Variants in ADAM19 observed in about 807,000 individuals in gnomAD.
ADAM19 encodes the protein disintegrin and metalloproteinase domain-containing protein 19.
Under a neutral mutation model 114.7 loss-of-function variants are expected in ADAM19, and 65 were observed. That is an observed-to-expected ratio of 0.57 (90% CI 0.46 to 0.70). The LOEUF is 0.70. ADAM19 is among the 30% of genes least tolerant of loss of function. ADAM19 has a pLI of 0.00. For missense variants in ADAM19, 1,063 were observed against 1,204.7 expected, an observed-to-expected ratio of 0.88 and a Z score of 1.74; for synonymous variants, 466 against 460.5, an observed-to-expected ratio of 1.01 and a Z score of -0.15.
At chr5:157,573,157 G>A (rs562063704) in intron 1 of ADAM19, among the ~76,000 whole-genome samples, 4 of 152,216 alleles carry the variant, frequency 2.6e-5, no homozygotes, top group African/African-American at 4.8e-5. Flanking sequence ...TGATATCTAC[G>A]ATTGTAAAAA....
intron 3 of ADAM19, among the ~76,000 whole-genome samples, chr5:157,556,390 T>C (rs908760648): frequency 6.6e-6 from 1 of 151,960 alleles, no homozygotes; most frequent in Non-Finnish European, 1.5e-5. Context: ...AGCTAATTTT[T>C]GTATTTTTAG....
intron 7 of ADAM19, among the ~76,000 whole-genome samples, chr5:157,514,975 T>C (rs1488277945): frequency 1.3e-5 from 2 of 152,138 alleles, no homozygotes; most frequent in East Asian, 3.8e-4. Context: ...TGAGAATATC[T>C]AAGCAAGAAA....
At chr5:157,560,436 G>A (rs1246646150) in intron 3 of ADAM19, among the ~76,000 whole-genome samples, 2 of 152,148 alleles carry the variant, frequency 1.3e-5, no homozygotes, top group Non-Finnish European at 2.9e-5. Flanking sequence ...TATGTCCACT[G>A]TACCACACTG....
chr5:157,550,840 T>C (rs998404973), intron 3 of ADAM19, among the ~76,000 whole-genome samples: 1 of 152,190 alleles, frequency 6.6e-6, no homozygotes, highest in African/African-American at 2.4e-5. Flanking sequence ...CCTTTATATA[T>C]CCACGTTACA....
At chr5:157,567,086 C>G (rs905975657) in intron 2 of ADAM19, among the ~76,000 whole-genome samples, 1 of 152,182 alleles carries the variant, frequency 6.6e-6, no homozygotes, top group African/African-American at 2.4e-5. Context: ...AGTAGGTCAC[C>G]TGTTCTGCCA....
chr5:157,541,319 G>A (rs758196415), intron 3 of ADAM19, among the ~76,000 whole-genome samples: 1 of 152,202 alleles, frequency 6.6e-6, no homozygotes, highest in Admixed American at 6.5e-5. Context: ...GAAGAGAAAG[G>A]ACTGTGCAAG....
chr5:157,575,684 C>A lies in ADAM19; in HGVS notation c.13G>T (p.Ala5Ser). 3 of 1,340,374 alleles carry A rather than the reference C, an allele frequency of 2.2e-6. No homozygotes were observed. Among genetic ancestry groups the A allele is most frequent in the Non-Finnish European group, 2.9e-6 (3 of 1,051,838 alleles). 83.0% of individuals were successfully genotyped at this position (1,340,374 alleles called of 1,614,324 possible). The change falls in exon 1 of 23, where the codon GCA (alanine) becomes TCA (serine). Residue 5 changes from alanine (A) to serine (S), a missense_variant. By Grantham distance (99) the Ala-to-Ser change is moderately conservative. Transcript: ENST00000257527. MPGG[A>S]GAARLCLLAF... The stretch of plus-strand genomic sequence containing the variant: ...AGCAAGCAGAGCCGGGCGGCGCCTG[C>A]GCCCCCTGGCATGGTGGCGGCGGCC...
At chr5:157,575,388 T>C (rs1190357476) in intron 1 of ADAM19, among the ~76,000 whole-genome samples, 2 of 152,180 alleles carry the variant, frequency 1.3e-5, no homozygotes, top group Non-Finnish European at 2.9e-5. Context: ...GACCGGCTGT[T>C]TTCTGGCTGC....
At chr5:157,492,394 C>T (rs1384702258) in intron 16 of ADAM19, among the ~76,000 whole-genome samples, 1 of 152,040 alleles carries the variant, frequency 6.6e-6, no homozygotes, top group Non-Finnish European at 1.5e-5. Context: ...GGACAACAGC[C>T]AACTAAATTC....
At chr5:157,510,118 A>G (rs1343656397) in intron 8 of ADAM19, among the ~76,000 whole-genome samples, 1 of 152,202 alleles carries the variant, frequency 6.6e-6, no homozygotes, top group East Asian at 1.9e-4. Flanking sequence ...TAATTTGCAT[A>G]CCATAATACC....
chr5:157,496,429 A>G (rs2113706020), intron 14 of ADAM19, among the ~76,000 whole-genome samples: 1 of 152,288 alleles, frequency 6.6e-6, no homozygotes, highest in South Asian at 2.1e-4. Flanking sequence ...ATTGCTTTCC[A>G]TAGTGGTTAT....
intron 5 of ADAM19, among the ~76,000 whole-genome samples, chr5:157,529,492 C>T (rs1418238615): frequency 1.3e-5 from 2 of 152,118 alleles, no homozygotes; most frequent in Non-Finnish European, 2.9e-5. Flanking sequence ...TTCTCAGGTA[C>T]AGACTGTAAT....
At position 157,481,000 on chromosome 5, in the gene ADAM19, A is replaced by C. The variant is rs760918885; in HGVS notation, c.2706T>G (p.Phe902Leu). The change falls in exon 23 of 23, where the codon TTT (phenylalanine) becomes TTG (leucine). Residue 902 changes from phenylalanine to leucine, a missense_variant and splice_region_variant. By Grantham distance (22) the Phe-to-Leu change is conservative. Around this residue, in one of 3 missense-constraint regions of ADAM19, gnomAD observed 424 missense variants for 445.5 expected, o/e 0.95. Transcript: ENST00000257527. ...SRPLAALAPK[F>L]PEYRSQRAGG... ...CAGCCCTCTGTGATCTGTATTCTGG[A>C]AACTGGGAAGAAAAAGAAGGGAGGG... The C allele has an allele frequency of 1.4e-5, 22 of 1,614,000 alleles. No individual in the cohort carries two copies. Among genetic ancestry groups the C allele is most frequent in the Non-Finnish European group, 1.8e-5 (21 of 1,180,030 alleles).
At position 157,530,689 on chromosome 5, in the gene ADAM19, G is replaced by T. The variant is rs984301253; in HGVS notation, c.407+118C>A. On this transcript the variant is annotated intron_variant, in intron 5 of 22. Transcript: ENST00000257527. ...CCAGGCTCAGCCCCTCTCTGGGCTG[G>T]CTTGCACACATTCTCAATGGACTCC... 7 of 809,998 alleles carry T rather than the reference G, an allele frequency of 8.6e-6. No homozygotes were observed. In the African/African-American group the frequency reaches 1.0e-4, roughly 12 times the overall value. 50.2% of individuals were successfully genotyped at this position (809,998 alleles called of 1,614,324 possible). A position where few individuals can be genotyped will look rare whatever the true frequency, so the allele number is the denominator to read the frequency against.
intron 4 of ADAM19, among the ~76,000 whole-genome samples, chr5:157,532,784 C>T (rs1218295818): frequency 6.6e-6 from 1 of 152,214 alleles, no homozygotes; most frequent in African/African-American, 2.4e-5. Flanking sequence ...CCACCTCCCT[C>T]CCAGCTCTAA....
intron 15 of ADAM19, 103 bp from the exon 16 acceptor site, chr5:157,493,280 C>A: frequency 1.5e-6 from 2 of 1,295,872 alleles, no homozygotes; most frequent in Non-Finnish European, 2.2e-6. Context: ...AGCAGGCTTG[C>A]GTGGGGTGGG....
At position 157,497,042 on chromosome 5, in the gene ADAM19, G is replaced by T; in HGVS notation, c.1446C>A (p.Asp482Glu). 6.4e-7 allele frequency: 1 copy of T among 1,573,604 alleles called. No homozygotes were observed. Among genetic ancestry groups the T allele is most frequent in the Non-Finnish European group, 8.6e-7 (1 of 1,163,458 alleles). ...TLCREQARQC[D>E]LPEFCTGKSP... ...ACTTGCCCGTACAGAACTCCGGGAG[G>T]TCACACTGCCTGGCCTGCTCGCGGC... is the stretch of plus-strand genomic sequence containing the variant. The change falls in exon 14 of 23, where the codon GAC becomes GAA. Residue 482 changes from aspartate (D) to glutamate (E), a missense_variant. Around this residue, in one of 3 missense-constraint regions of ADAM19, gnomAD observed 615 missense variants for 706.3 expected, o/e 0.87. Coordinates refer to ENST00000257527, the MANE Select transcript of ADAM19 (RefSeq NM_033274.5).
At chr5:157,488,686 A>G (rs1377588894) in intron 20 of ADAM19, among the ~76,000 whole-genome samples, 197 bp from the exon 21 acceptor site, 1 of 152,202 alleles carries the variant, frequency 6.6e-6, no homozygotes, top group Non-Finnish European at 1.5e-5. Context: ...TCTCCAGCCA[A>G]TAAAAGGGCT....
intron 21 of ADAM19, among the ~76,000 whole-genome samples, chr5:157,484,517 T>G (rs1581283922): frequency 1.3e-5 from 2 of 152,182 alleles, no homozygotes; most frequent in East Asian, 3.9e-4. Context: ...TCCCCTTGAC[T>G]TCCTTCCCTT....
Sources: gnomAD v4.1 joint callset for allele counts (sites outside exome capture counted in the v4.1 genomes callset) on GRCh38, gnomAD v4.1.1 for gene constraint, gnomAD v4.1.1 regional missense constraint, MANE v1.5 for transcripts, NCBI Gene and HGNC (gene_info 2026-07-23, HGNC 2026-07-21) for gene names.